The following KPNA5 variants were observed in gnomAD, a reference collection of about 807,000 sequenced individuals.
The protein encoded by KPNA5 is karyopherin subunit alpha 5, also known as importin subunit alpha-6.
Under a neutral mutation model 71.3 loss-of-function variants are expected in KPNA5, and 46 were observed. The ratio of observed to expected loss-of-function variants is 0.65; its 90% CI spans 0.51 to 0.83. KPNA5 has a LOEUF of 0.83. Ranked by LOEUF, KPNA5 falls within the 40% of genes least tolerant of loss-of-function variation. The pLI is 0.00. For missense variants in KPNA5, 547 were observed against 628.3 expected, an observed-to-expected ratio of 0.87 and a Z score of 1.38; for synonymous variants, 207 against 201.4, an observed-to-expected ratio of 1.03 and a Z score of -0.24.
chr6:116,714,566 G>C (rs1692333657), intron 7 of KPNA5, among the ~76,000 whole-genome samples: 2 of 152,012 alleles, frequency 1.3e-5, no homozygotes, highest in South Asian at 4.1e-4. Context: ...CATGTGCATG[G>C]GCCTTCAGAC....
intron 4 of KPNA5, among the ~76,000 whole-genome samples, chr6:116,696,598 G>A (rs1188367928): frequency 6.6e-6 from 1 of 152,126 alleles, no homozygotes; most frequent in African/African-American, 2.4e-5. Flanking sequence ...TCTTGTGGAT[G>A]TAAATCACAA....
intron 13 of KPNA5, among the ~76,000 whole-genome samples, chr6:116,730,276 G>A (rs1008070275): frequency 4.0e-5 from 6 of 151,420 alleles, no homozygotes; most frequent in Admixed American, 2.0e-4. Context: ...TAGTAGAGAC[G>A]GGGTCTCTCC....
In KPNA5 at chr6:116,732,332, A is replaced by G; in HGVS notation, c.*9A>G. The G allele has an allele frequency of 6.8e-7, 1 of 1,466,672 alleles. No individual in the cohort carries two copies. Among genetic ancestry groups the G allele is most frequent in the African/African-American group, 1.4e-5 (1 of 69,236 alleles). The allele number at this position is 1,466,672 out of a possible 1,614,324, so 90.9% of individuals were successfully genotyped here. On this transcript the variant is annotated 3_prime_UTR_variant, in exon 14 of 14. Coordinates refer to ENST00000368564, the MANE Select transcript of KPNA5 (RefSeq NM_001366306.2). Reference sequence around the variant, plus strand: ...ATGGATTTCAACTTTAACTTACTGGAGGAAAAAAAATTTATGGCTAAAAAG... The same window carrying G: ...ATGGATTTCAACTTTAACTTACTGGGGGAAAAAAAATTTATGGCTAAAAAG...
chr6:116,694,443 G>A (rs941743166), intron 4 of KPNA5, among the ~76,000 whole-genome samples: 3 of 151,924 alleles, frequency 2.0e-5, no homozygotes, highest in Non-Finnish European at 4.4e-5. Flanking sequence ...TCCTTGAAGA[G>A]GTCCTTCACA....
intron 7 of KPNA5, among the ~76,000 whole-genome samples, chr6:116,709,458 C>T (rs1163328121): frequency 6.6e-6 from 1 of 152,158 alleles, no homozygotes; most frequent in Non-Finnish European, 1.5e-5. Context: ...GGCTGTAGTG[C>T]ACTATAATAA....
chr6:116,711,857 G>A (rs1778700934), intron 7 of KPNA5, among the ~76,000 whole-genome samples: 2 of 152,160 alleles, frequency 1.3e-5, no homozygotes, highest in African/African-American at 2.4e-5. Flanking sequence ...CCTGCCTCAC[G>A]TGAGCCACCT....
chr6:116,695,602 C>T (rs1023193864), intron 4 of KPNA5, among the ~76,000 whole-genome samples: 2 of 152,224 alleles, frequency 1.3e-5, no homozygotes, highest in African/African-American at 4.8e-5. Context: ...GCATAGATTA[C>T]AAGGCTTTCA....
At chr6:116,716,357 TAAACCTA>T (rs1778887984) in intron 8 of KPNA5, 39 bp downstream of exon 8, 2 of 1,372,972 alleles carry the variant, frequency 1.5e-6, no homozygotes, top group Non-Finnish European at 2.1e-6. Context: ...TTTGTTTCCA[TAAACCTA>T]AGTTTCTATA....
chr6:116,710,870 ATT>A lies in KPNA5; in HGVS notation c.657-5346_657-5345del, dbSNP rs1254080780. 1.5e-3 allele frequency among the ~76,000 whole-genome samples: 147 copies of A among 99,820 alleles called. 5 individuals carry two copies. Among genetic ancestry groups the A allele is most frequent in the Non-Finnish European group, 2.0e-3 (100 of 49,936 alleles). 65.5% of individuals were successfully genotyped at this position (99,820 alleles called of 152,430 possible). A position where few individuals can be genotyped will look rare whatever the true frequency, so the allele number is the denominator to read the frequency against. On this transcript the variant is annotated intron_variant, in intron 7 of 13. Transcript: ENST00000368564. Reference sequence around the variant, plus strand: ...TTTCATTCTTAATTGTAGTAATATTATTTTATATATATATATATATATATTTT... The same window carrying A: ...TTTCATTCTTAATTGTAGTAATATTATTATATATATATATATATATATTTT...
intron 2 of KPNA5, among the ~76,000 whole-genome samples, chr6:116,690,219 A>G (rs539144409): frequency 3.9e-5 from 6 of 152,012 alleles, no homozygotes; most frequent in Admixed American, 3.3e-4. Flanking sequence ...ACAGGCATGT[A>G]ATAGGCAAGG....
intron 7 of KPNA5, among the ~76,000 whole-genome samples, chr6:116,706,581 C>G (rs561480930): frequency 6.6e-6 from 1 of 152,072 alleles, no homozygotes; most frequent in African/African-American, 2.4e-5. Context: ...CCCAGCTACT[C>G]AAGAGGCTGA....
intron 5 of KPNA5, among the ~76,000 whole-genome samples, chr6:116,701,293 T>C (rs968766930): frequency 3.3e-5 from 5 of 152,212 alleles, no homozygotes; most frequent in Admixed American, 2.6e-4. Context: ...TTTTAAACTA[T>C]ATTCACTGCT....
In KPNA5 at chr6:116,735,746, A is replaced by G. The variant is rs536398731; in HGVS notation, c.*3423A>G. The G allele has an allele frequency of 6.6e-6, 1 of 151,930 alleles. No homozygotes were observed. The highest frequency in any genetic ancestry group is 6.6e-5 in the Admixed American group (1 of 15,206). The allele number at this position is 151,930 out of a possible 1,614,324, so 9.4% of individuals were successfully genotyped here. ...AAAATCCATTTACTTTCTAAAACTA[A>G]CAAAGGAGAAAAAATAGAATTATAA... On this transcript the variant is annotated 3_prime_UTR_variant, in exon 14 of 14. Coordinates refer to ENST00000368564, the MANE Select transcript of KPNA5 (RefSeq NM_001366306.2).
chr6:116,728,177 C>G (rs946389800), intron 12 of KPNA5, among the ~76,000 whole-genome samples: 1 of 151,760 alleles, frequency 6.6e-6, no homozygotes, highest in East Asian at 1.9e-4. Context: ...TAAATGAAGA[C>G]CCTTCCTTTG....
rs770265209 is a variant in KPNA5 at position 116,733,086 on chromosome 6, A to G, written c.*763A>G. ...ATTAGTATATTTTGTATTTCAACCA[A>G]ATATGCTACCATTTTTGAAATAGTG... On this transcript the variant is annotated 3_prime_UTR_variant, in exon 14 of 14. Transcript: ENST00000368564. 7 of 151,850 alleles carry G rather than the reference A, an allele frequency of 4.6e-5. No individual in the cohort carries two copies. Among genetic ancestry groups the G allele is most frequent in the Non-Finnish European group, 8.9e-5 (6 of 67,788 alleles). 9.4% of individuals were successfully genotyped at this position (151,850 alleles called of 1,614,324 possible).
At chr6:116,681,378 G>C in intron 1 of KPNA5, 40 bp downstream of exon 1, 1 of 1,551,506 alleles carries the variant, frequency 6.4e-7, no homozygotes, top group Non-Finnish European at 8.7e-7. Context: ...GGGGAGCCTC[G>C]GTTTTGGTCC....
intron 13 of KPNA5, 79 bp downstream of exon 13, chr6:116,729,820 T>A (rs1424181561): frequency 3.1e-5 from 29 of 929,072 alleles, no homozygotes; most frequent in Non-Finnish European, 4.3e-5. Context: ...TCCCTACAAT[T>A]TTTTTGTTGT....
intron 1 of KPNA5, among the ~76,000 whole-genome samples, chr6:116,687,029 A>C (rs958602420): frequency 6.6e-6 from 1 of 152,150 alleles, no homozygotes; most frequent in Non-Finnish European, 1.5e-5. Context: ...TTTTGGTTCC[A>C]TATGAATTTG....
intron 13 of KPNA5, among the ~76,000 whole-genome samples, chr6:116,730,179 C>T (rs2114505785): frequency 1.3e-5 from 2 of 151,260 alleles, no homozygotes; most frequent in South Asian, 4.2e-4. Context: ...CTCCACCTCC[C>T]ATGTTCAAGC....
Sources: gnomAD v4.1 joint callset for allele counts (sites outside exome capture counted in the v4.1 genomes callset) on GRCh38, gnomAD v4.1.1 for gene constraint, MANE v1.5 for transcripts, NCBI Gene and HGNC (gene_info 2026-07-23, HGNC 2026-07-21) for gene names.